Variants in CARMIL1 observed in about 807,000 individuals in gnomAD.
The protein encoded by CARMIL1 is F-actin-uncapping protein LRRC16A.
A neutral mutation model predicts 177.1 loss-of-function variants in CARMIL1; 90 were observed. That is an observed-to-expected ratio of 0.51 (90% confidence interval 0.43 to 0.61). The LOEUF is 0.61. Ranked by LOEUF, CARMIL1 falls within the 20% of genes least tolerant of loss-of-function variation. CARMIL1 has a pLI of 0.00. For missense variants in CARMIL1, 1,380 were observed against 1,667.0 expected (o/e 0.83, Z 3.00); for synonymous variants, 577 against 606.2 (o/e 0.95, Z 0.71).
intron 36 of CARMIL1, among the ~76,000 whole-genome samples, chr6:25,618,040 G>C (rs1759427116): frequency 6.6e-6 from 1 of 152,120 alleles, no homozygotes; most frequent in Admixed American, 6.5e-5. Context: ...TATCAGATTT[G>C]AAAGGTTTTT....
At position 25,450,657 on chromosome 6, in the gene CARMIL1, T is replaced by A. The variant is rs756545080; in HGVS notation, c.560T>A (p.Leu187His). 1.9e-6 allele frequency: 3 copies of A among 1,601,194 alleles called. No homozygotes were observed. In the East Asian group the frequency reaches 6.7e-5, roughly 36 times the overall value. Reference protein sequence around the residue: ...EVQWDVDTIYLTQDTRELNLQ... With the variant: ...EVQWDVDTIYHTQDTRELNLQ... ...AAATAGGATGTGGATACAATTTATC[T>A]TACCCAAGACACCAGGGAATTGAAT... The change falls in exon 8 of 37, where the codon CTT becomes CAT. Residue 187 changes from leucine to histidine, a missense_variant. Physicochemically the swap from Leu to His is moderately conservative, Grantham distance 99. Coordinates refer to ENST00000329474, the MANE Select transcript of CARMIL1 (RefSeq NM_017640.6).
At chr6:25,340,683 G>A (rs1388734549) in intron 2 of CARMIL1, among the ~76,000 whole-genome samples, 1 of 151,342 alleles carries the variant, frequency 6.6e-6, no homozygotes, top group African/African-American at 2.4e-5. Context: ...TGAACTACAT[G>A]CTACGAGGGG....
At position 25,515,358 on chromosome 6, in the gene CARMIL1, T is replaced by TTA. The variant is rs2307776; in HGVS notation, c.1633-316_1633-315insAT. On this transcript the variant is annotated intron_variant, in intron 20 of 36. Coordinates refer to ENST00000329474, the MANE Select transcript of CARMIL1 (RefSeq NM_017640.6). The surrounding 1 kb of genome is among the most constrained non-coding windows in gnomAD (Gnocchi z 5.0). The stretch of plus-strand genomic sequence containing the variant: ...GTGATCATATTAAGCTGAGAAATTT[T>TTA]TGTTATGTTTTTATTTATTTCATCC... 0.44 allele frequency among the ~76,000 whole-genome samples: 66,158 copies of TTA among 151,730 alleles called. 14,793 individuals are homozygous for TTA. The highest frequency in any genetic ancestry group is 0.52 in the Middle Eastern group (152 of 292).
At chr6:25,579,075 ATAT>A (rs1242616439) in intron 29 of CARMIL1, among the ~76,000 whole-genome samples, 1 of 151,098 alleles carries the variant, frequency 6.6e-6, no homozygotes, top group Non-Finnish European at 1.5e-5. Context: ...TACATATTAT[ATAT>A]TGTCATTTAT....
intron 8 of CARMIL1, 68 bp from the exon 9 acceptor site, chr6:25,465,805 T>C: frequency 1.1e-6 from 1 of 906,804 alleles, no homozygotes; most frequent in East Asian, 2.4e-5. Context: ...ATGTCATGGA[T>C]TAAAAATTAA....
chr6:25,538,982 C>T (rs1301281923), intron 25 of CARMIL1, among the ~76,000 whole-genome samples: 2 of 151,986 alleles, frequency 1.3e-5, no homozygotes, highest in African/African-American at 4.8e-5. Context: ...AACTCATCAA[C>T]GTGCTGGGAG....
intron 2 of CARMIL1, among the ~76,000 whole-genome samples, chr6:25,409,657 C>G (rs1179520527): frequency 1.3e-5 from 2 of 152,140 alleles, no homozygotes; most frequent in Non-Finnish European, 1.5e-5. Context: ...TAGTATTTAT[C>G]AAACTTTCAA....
Position 25,465,894 on chromosome 6 carries a change from T to A in CARMIL1, c.636T>A (p.Ala212=). The change falls in exon 9 of 37, where the codon GCT becomes GCA. Residue 212 remains alanine, a synonymous_variant. Transcript: ENST00000329474. ...CCAGGGACCTAATACCTATCATTGC[T>A]GCTCTGGAATATAATCAGTGGTTCA... ...LDHRDLIPII[A]ALEYNQWFTK... The A allele has an allele frequency of 6.2e-7, 1 of 1,612,594 alleles. No individual in the cohort carries two copies.
At position 25,558,397 on chromosome 6, in the gene CARMIL1, GTTTTAAACTGTGTAAAC is replaced by G. The variant is rs1307913061; in HGVS notation, c.2742+1551_2742+1567del. On this transcript the variant is annotated intron_variant, in intron 29 of 36. Transcript: ENST00000329474. The surrounding 1 kb of genome is among the most constrained non-coding windows in gnomAD (Gnocchi z 4.1). ...GACTGGCTCACCTACTGTAACGTTGGTTTTAAACTGTGTAAACTTTGTTTGGAAGTAAGTTTTTTTGT... is the reference window on the plus strand; with the variant it reads ...GACTGGCTCACCTACTGTAACGTTGGTTTGTTTGGAAGTAAGTTTTTTTGT... 6.6e-6 allele frequency among the ~76,000 whole-genome samples: 1 copy of G among 152,164 alleles called. No homozygotes were observed. The highest frequency in any genetic ancestry group is 1.5e-5 in the Non-Finnish European group (1 of 68,008).
At chr6:25,386,547 G>A (rs1399887359) in intron 2 of CARMIL1, among the ~76,000 whole-genome samples, 3 of 151,922 alleles carry the variant, frequency 2.0e-5, no homozygotes, top group African/African-American at 7.2e-5. Flanking sequence ...CTGGCTTGTT[G>A]TTTGTAATCT....
chr6:25,583,826 C>A (rs1482010313), intron 31 of CARMIL1, among the ~76,000 whole-genome samples: 1 of 151,554 alleles, frequency 6.6e-6, no homozygotes, highest in African/African-American at 2.4e-5. Context: ...AGACAACCCC[C>A]CCCACCCGCC....
At chr6:25,549,174 C>T (rs1318711466) in intron 26 of CARMIL1, among the ~76,000 whole-genome samples, 2 of 152,220 alleles carry the variant, frequency 1.3e-5, no homozygotes, top group Non-Finnish European at 2.9e-5. Flanking sequence ...ATACTACTCA[C>T]TTAACATTCC....
chr6:25,502,695 G>A (rs559415115), intron 17 of CARMIL1, among the ~76,000 whole-genome samples: 1 of 152,206 alleles, frequency 6.6e-6, no homozygotes, highest in Admixed American at 6.5e-5. Context: ...ATTCAGTTCT[G>A]TGATAAAGCT....
intron 11 of CARMIL1, among the ~76,000 whole-genome samples, chr6:25,477,087 C>CAAAAAAAA (rs1162798140): frequency 2.1e-5 from 1 of 47,454 alleles, no homozygotes; most frequent in Non-Finnish European, 4.6e-5. Flanking sequence ...AATTCCGTCT[C>CAAAAAAAA]AAAAAAAAAA....
chr6:25,411,083 T>C (rs1004767458), intron 2 of CARMIL1, among the ~76,000 whole-genome samples: 2 of 152,228 alleles, frequency 1.3e-5, no homozygotes, highest in Admixed American at 6.5e-5. Context: ...TTTATAGTTA[T>C]ATTTTTTCTG....
At chr6:25,477,244 C>CTCAAACTCA (rs1465369044) in intron 11 of CARMIL1, among the ~76,000 whole-genome samples, 3 of 152,134 alleles carry the variant, frequency 2.0e-5, no homozygotes, top group African/African-American at 7.2e-5. Context: ...TTTGGAAACT[C>CTCAAACTCA]TCAAAGAGTT....
At chr6:25,580,778 G>T (rs1813049837) in intron 29 of CARMIL1, 146 bp from the exon 30 acceptor site, 1 of 615,308 alleles carries the variant, frequency 1.6e-6, no homozygotes. Flanking sequence ...AAATAGTTTG[G>T]TCTCTTCAGT....
chr6:25,533,915 T>C (rs568350708), intron 24 of CARMIL1, among the ~76,000 whole-genome samples: 2 of 152,246 alleles, frequency 1.3e-5, no homozygotes, highest in Admixed American at 6.5e-5. Flanking sequence ...ACTCATCCTT[T>C]TGAACTCTTG....
intron 31 of CARMIL1, among the ~76,000 whole-genome samples, chr6:25,588,629 C>T (rs1814002777): frequency 6.6e-6 from 1 of 152,224 alleles, no homozygotes; most frequent in African/African-American, 2.4e-5. Context: ...CTCACTCATC[C>T]ACTGCCAGTT....
Sources: allele counts gnomAD v4.1 joint callset (sites outside exome capture counted in the v4.1 genomes callset), GRCh38; gene constraint gnomAD v4.1.1; non-coding constraint Gnocchi (gnomAD v3.1); transcripts MANE v1.5; gene names NCBI Gene and HGNC (gene_info 2026-07-23, HGNC 2026-07-21).